OLFM1: variants seen among roughly 807,000 people sequenced by gnomAD.
OLFM1 encodes the protein olfactomedin 1.
A neutral mutation model predicts 49.7 loss-of-function variants in OLFM1; 9 were observed. That is an observed-to-expected ratio of 0.18 (90% CI 0.11 to 0.32). The LOEUF (loss-of-function observed/expected upper bound fraction) is 0.32, where lower values mean the gene tolerates loss of function less well. Among genes scored for constraint, OLFM1 ranks in the 10% least tolerant of loss-of-function variants. The pLI, the probability that OLFM1 is intolerant of heterozygous loss-of-function variation, is 1.00. For synonymous variants in OLFM1, 240 were observed against 271.8 expected, an observed-to-expected ratio of 0.88 and a Z score of 1.15; for missense variants, 369 against 661.8, an observed-to-expected ratio of 0.56 and a Z score of 4.85.
intron 2 of OLFM1, among the ~76,000 whole-genome samples, chr9:135,091,571 ACACAG>A (rs1830691206): frequency 1.3e-5 from 2 of 148,896 alleles, no homozygotes; most frequent in Non-Finnish European, 3.0e-5. Flanking sequence ...TCACACACAC[ACACAG>A]TCACACACTC....
chr9:135,077,010 C>T (rs1390645138), intron 1 of OLFM1: 31 of 1,550,428 alleles, frequency 2.0e-5, no homozygotes, highest in Non-Finnish European at 2.5e-5. Flanking sequence ...GAGCCCTTCT[C>T]CTGGTGCTGC....
rs113255129 is a variant in OLFM1, at chr9:135,106,568, G to A, written c.677-181G>A. ...GTTTTGGGGAGGAGGTGGCTTTTCC[G>A]AGAGTGGGGGAGTTGTCTGTGAAAA... is the stretch of plus-strand genomic sequence containing the variant. On this transcript the variant is annotated intron_variant, in intron 4 of 5. Transcript: ENST00000371793. 886 of 584,986 alleles carry A rather than the reference G, an allele frequency of 1.5e-3. 7 individuals carry two copies. The highest frequency in any genetic ancestry group is 0.015 in the African/African-American group (798 of 53,222). 36.2% of individuals were successfully genotyped at this position (584,986 alleles called of 1,614,324 possible).
At chr9:135,103,371 C>T (rs1830896314) in intron 4 of OLFM1, among the ~76,000 whole-genome samples, 1 of 152,228 alleles carries the variant, frequency 6.6e-6, no homozygotes, top group Non-Finnish European at 1.5e-5. Flanking sequence ...AAAAATAACT[C>T]CCTGACTCAA....
intron 2 of OLFM1, among the ~76,000 whole-genome samples, chr9:135,094,538 G>A (rs1399169261): frequency 5.3e-5 from 8 of 152,120 alleles, no homozygotes; most frequent in Admixed American, 3.3e-4. Flanking sequence ...GTATGCTTCC[G>A]TTTCTCGGGG....
rs1831110126 is a variant in OLFM1 at position 135,117,361 on chromosome 9, C to T, written c.784-2143C>T. Among the ~76,000 whole-genome samples, 1 of 152,234 alleles carries T rather than the reference C, an allele frequency of 6.6e-6. No homozygotes were observed. Among genetic ancestry groups the T allele is most frequent in the African/African-American group, 2.4e-5 (1 of 41,458 alleles). ...GATTAGGGGTGACAATGAGTGATTA[C>T]ACTCACAGCATCCCAAATGCCAAAT... On this transcript the variant is annotated intron_variant, in intron 5 of 5. Transcript: ENST00000371793. The surrounding 1 kb of genome is among the most constrained non-coding windows in gnomAD (Gnocchi z 5.5).
At chr9:135,090,108 G>C (rs185392262) in intron 1 of OLFM1, 87 bp from the exon 2 acceptor site, 1 of 1,276,258 alleles carries the variant, frequency 7.8e-7, no homozygotes, top group Admixed American at 2.2e-5. Flanking sequence ...GATGTGGACA[G>C]TTTCCCCTGG....
intron 4 of OLFM1, 70 bp from the exon 5 acceptor site, chr9:135,106,679 C>G (rs561943380): frequency 8.4e-7 from 1 of 1,191,872 alleles, no homozygotes; most frequent in Non-Finnish European, 1.2e-6. Flanking sequence ...TCTGGGCAGT[C>G]GAGGTCAGGG....
At chr9:135,100,082 T>C (rs1203143702) in intron 4 of OLFM1, among the ~76,000 whole-genome samples, 2 of 152,166 alleles carry the variant, frequency 1.3e-5, no homozygotes, top group Non-Finnish European at 1.5e-5. Context: ...AAGAATCCAG[T>C]GGTGGGGTCT....
At chr9:135,076,464 A>G in intron 1 of OLFM1, 2 of 1,407,926 alleles carry the variant, frequency 1.4e-6, no homozygotes, top group Non-Finnish European at 1.9e-6. Flanking sequence ...CGTACCCTGA[A>G]CAATGTATCA....
intron 2 of OLFM1, among the ~76,000 whole-genome samples, chr9:135,094,143 G>T (rs1830753867): frequency 6.6e-6 from 1 of 152,110 alleles, no homozygotes; most frequent in South Asian, 2.1e-4. Context: ...GCCGCCATTT[G>T]TATTGTTGCT....
At chr9:135,106,667 G>T (rs1471799670) in intron 4 of OLFM1, 82 bp from the exon 5 acceptor site, 2 of 1,029,738 alleles carry the variant, frequency 1.9e-6, no homozygotes, top group Non-Finnish European at 2.9e-6. Context: ...TGGCACGTGT[G>T]CTCTGGGCAG....
chr9:135,082,332 T>C (rs565223771), intron 1 of OLFM1, among the ~76,000 whole-genome samples: 1 of 152,216 alleles, frequency 6.6e-6, no homozygotes, highest in Admixed American at 6.5e-5. Context: ...TGGTTTTAGG[T>C]ATACAAGTTG....
intron 4 of OLFM1, among the ~76,000 whole-genome samples, chr9:135,103,176 C>T (rs1048076489): frequency 2.0e-5 from 3 of 152,318 alleles, no homozygotes; most frequent in Non-Finnish European, 2.9e-5. Context: ...GCAGGAAGCC[C>T]GGCCAGCCCT....
At chr9:135,101,290 G>C (rs1202936792) in intron 4 of OLFM1, among the ~76,000 whole-genome samples, 1 of 152,160 alleles carries the variant, frequency 6.6e-6, no homozygotes, top group Non-Finnish European at 1.5e-5. Context: ...TGCTGTTCCT[G>C]CTGGTGTGAA....
rs754099119 is a variant in OLFM1 at position 135,076,071 on chromosome 9, C to T, written c.96+269C>T. The T allele has an allele frequency of 2.7e-5, 39 of 1,466,146 alleles. 1 individual carries two copies. In the South Asian group the frequency reaches 3.0e-4, roughly 11 times the overall value. The allele number at this position is 1,466,146 out of a possible 1,614,324, so 90.8% of individuals were successfully genotyped here. A position where few individuals can be genotyped will look rare whatever the true frequency, so the allele number is the denominator to read the frequency against. ...CTTTTTCCTAGGACTCCGCTGCCCCCGACTCCCTGCTGAGAAGTTCAAAGG... is the reference window on the plus strand; with the variant it reads ...CTTTTTCCTAGGACTCCGCTGCCCCTGACTCCCTGCTGAGAAGTTCAAAGG... On this transcript the variant is annotated intron_variant, in intron 1 of 5. Transcript: ENST00000252854.
At chr9:135,087,436 C>T (rs1014920728), upstream of OLFM1, 3 of 1,543,798 alleles carry the variant, frequency 1.9e-6, no homozygotes, top group African/African-American at 1.4e-5. Flanking sequence ...CCCCGCGCCG[C>T]CGCCGGGTAT....
chr9:135,076,626 G>A, intron 1 of OLFM1: 1 of 1,100,544 alleles, frequency 9.1e-7, no homozygotes, highest in Non-Finnish European at 1.3e-6. Context: ...AGCCGAGGGA[G>A]CCGGGCTGCT....
At chr9:135,108,252 T>G (rs1457622351) in intron 5 of OLFM1, among the ~76,000 whole-genome samples, 1 of 152,234 alleles carries the variant, frequency 6.6e-6, no homozygotes, top group African/African-American at 2.4e-5. Context: ...AAAACCCCAC[T>G]TATGTTCAGA....
chr9:135,108,582 G>A lies in OLFM1; in HGVS notation c.783+1727G>A, dbSNP rs574424837. ...TGGGAGGCAGAGGTTGCAGTGAGCCGAGATCATGCTACTGCACTCCAGCCT... is the reference window on the plus strand; with the variant it reads ...TGGGAGGCAGAGGTTGCAGTGAGCCAAGATCATGCTACTGCACTCCAGCCT... On this transcript the variant is annotated intron_variant, in intron 5 of 5. Coordinates refer to ENST00000371793, the MANE Select transcript of OLFM1 (RefSeq NM_001282611.2). Among the ~76,000 whole-genome samples the A allele has an allele frequency of 1.8e-4, 28 of 151,808 alleles. No homozygotes were observed. In the South Asian group the frequency reaches 4.8e-3, roughly 26 times the overall value.
Sources: gnomAD v4.1 joint callset for allele counts (sites outside exome capture counted in the v4.1 genomes callset) on GRCh38, gnomAD v4.1.1 for gene constraint, Gnocchi (gnomAD v3.1) non-coding constraint, MANE v1.5 for transcripts, NCBI Gene and HGNC (gene_info 2026-07-23, HGNC 2026-07-21) for gene names.